The following IFI35 variants were observed in gnomAD, a reference collection of about 807,000 sequenced individuals.
The protein encoded by IFI35 is interferon-induced 35 kDa protein.
IFI35 carries 30 observed loss-of-function variants against 28.6 expected under a neutral mutation model. That is an observed-to-expected ratio of 1.05 (90% CI 0.79 to 1.43). IFI35 has a LOEUF of 1.43. IFI35 is among the 40% of genes most tolerant of loss of function. IFI35 has a pLI of 0.00. For missense variants in IFI35, 372 were observed against 356.9 expected, an observed-to-expected ratio of 1.04 and a Z score of -0.34; for synonymous variants, 146 against 154.8, an observed-to-expected ratio of 0.94 and a Z score of 0.42.
In IFI35 at chr17:43,013,530, C is replaced by T. The variant is rs1198410498; in HGVS notation, c.430C>T (p.Leu144Phe). The change falls in exon 5 of 7, where the codon CTC becomes TTC. Residue 144 changes from leucine to phenylalanine, a missense_variant. Transcript: ENST00000415816. ...GTTGGTCACTGGATTTCCTGCCAGC[C>T]TCAGGCTGAGTGAGGAGGAGCTGCT... ...RVLVTGFPAS[L>F]RLSEEELLDK... The T allele has an allele frequency of 4.3e-6, 7 of 1,613,972 alleles. No individual in the cohort carries two copies. The African/African-American group carries it at 9.3e-5, about 22-fold the overall frequency.
At chr17:43,008,034 C>CTT (rs1165440744) in intron 1 of IFI35, among the ~76,000 whole-genome samples, 37 of 132,492 alleles carry the variant, frequency 2.8e-4, no homozygotes, top group African/African-American at 6.1e-4. Context: ...AGGACAATCC[C>CTT]TTTTTTTTTT....
In IFI35 at chr17:43,013,320, C is replaced by T. The variant is rs201830704; in HGVS notation, c.322C>T (p.Arg108Trp). The T allele has an allele frequency of 1.7e-5, 28 of 1,614,092 alleles. No individual in the cohort carries two copies. Among genetic ancestry groups the T allele is most frequent in the Middle Eastern group, 1.6e-4 (1 of 6,062 alleles). Residue 108 changes from arginine to tryptophan, a missense_variant, in exon 4 of 7, where the codon CGG (arginine) becomes TGG (tryptophan). Transcript: ENST00000415816. ...GCACACGATCAACATGGAGGAGTGC[C>T]GGCTGCGGGTGCAGGTCCAGCCCTT... ...KEHTINMEECRLRVQVQPLEL... is the reference protein window; with the variant it reads ...KEHTINMEECWLRVQVQPLEL...
At chr17:43,011,160 A>G (rs762585674) in intron 1 of IFI35, among the ~76,000 whole-genome samples, 1 of 152,206 alleles carries the variant, frequency 6.6e-6, no homozygotes, top group Non-Finnish European at 1.5e-5. Flanking sequence ...GGAGTCAGAC[A>G]GCCTAGGGCC....
At chr17:43,012,645 G>A (rs1048704907) in intron 2 of IFI35, 4 of 231,862 alleles carry the variant, frequency 1.7e-5, no homozygotes, top group African/African-American at 6.9e-5. Flanking sequence ...GGCTGAGTCC[G>A]AATTGCTTGA....
chr17:43,014,041 C>T, intron 6 of IFI35, 67 bp from the exon 7 acceptor site: 1 of 1,501,328 alleles, frequency 6.7e-7, no homozygotes, highest in Non-Finnish European at 9.2e-7. Context: ...TGGGGCACTG[C>T]CTGCCCTACC....
intron 1 of IFI35, among the ~76,000 whole-genome samples, chr17:43,010,700 T>A (rs556448706): frequency 6.6e-6 from 1 of 152,234 alleles, no homozygotes; most frequent in Non-Finnish European, 1.5e-5. Context: ...TCACACTGAA[T>A]TTCTTTGGTG....
At chr17:43,008,999 A>AT (rs1192723658) in intron 1 of IFI35, among the ~76,000 whole-genome samples, 1 of 151,436 alleles carries the variant, frequency 6.6e-6, no homozygotes, top group Non-Finnish European at 1.5e-5. Flanking sequence ...AAAAATCCAG[A>AT]TTTTTTGTTT....
intron 1 of IFI35, among the ~76,000 whole-genome samples, chr17:43,010,359 C>T (rs148718649): frequency 2.2e-4 from 34 of 152,306 alleles, no homozygotes; most frequent in South Asian, 6.2e-4. Flanking sequence ...AGCAATTGCA[C>T]TCCAGCCTGG....
At chr17:43,012,997 C>T (rs753109633) in intron 2 of IFI35, 50 bp from the exon 3 acceptor site, 2 of 1,566,460 alleles carry the variant, frequency 1.3e-6, no homozygotes, top group Middle Eastern at 1.7e-4. Flanking sequence ...GAGATGCCTT[C>T]CTCCTAGGTG....
At chr17:43,012,986 G>A (rs750862132) in intron 2 of IFI35, 61 bp from the exon 3 acceptor site, 32 of 1,525,034 alleles carry the variant, frequency 2.1e-5, no homozygotes, top group African/African-American at 4.1e-5. Context: ...GAATGGAATC[G>A]GAGATGCCTT....
At position 43,013,652 on chromosome 17, in the gene IFI35, T is replaced by C. The variant is rs773112261; in HGVS notation, c.552T>C (p.Ala184=). The change falls in exon 5 of 7, where the codon GCT becomes GCC. Residue 184 remains alanine, a synonymous_variant. Coordinates refer to ENST00000415816, the MANE Select transcript of IFI35 (RefSeq NM_001330230.2). ...LLPGSVMLGF[A]RDGVAQRLCQ... is the part of the protein sequence containing the mutation. ...CAGGGAGTGTCATGCTGGGGTTTGC[T>C]AGGGATGGAGGTGAGGGCTATGCAG... The C allele has an allele frequency of 8.1e-6, 13 of 1,613,774 alleles. No individual in the cohort carries two copies. The Admixed American group carries it at 2.2e-4, about 27-fold the overall frequency.
intron 5 of IFI35, 52 bp from the exon 6 acceptor site, chr17:43,013,724 G>A (rs2050489587): frequency 1.2e-6 from 2 of 1,608,856 alleles, no homozygotes; most frequent in East Asian, 2.2e-5. Flanking sequence ...TTACGGTGCA[G>A]GGAGAGGAGA....
At chr17:43,013,690 G>C in intron 5 of IFI35, 28 bp downstream of exon 5, 1 of 1,612,332 alleles carries the variant, frequency 6.2e-7, no homozygotes, top group Non-Finnish European at 8.5e-7. Flanking sequence ...CTCCTGCAGG[G>C]GAGAGGGTAT....
chr17:43,007,293 T>G (rs901185307), intron 1 of IFI35, among the ~76,000 whole-genome samples: 3 of 152,122 alleles, frequency 2.0e-5, no homozygotes, highest in African/African-American at 7.2e-5. Flanking sequence ...ACGCCTGTCA[T>G]CCTAGCACTT....
At chr17:43,011,935 T>A in intron 1 of IFI35, 1 of 303,404 alleles carries the variant, frequency 3.3e-6, no homozygotes, top group Non-Finnish European at 6.1e-6. Flanking sequence ...AGATCTGTGG[T>A]CACGAACAAG....
At chr17:43,011,904 A>G (rs2050461822) in intron 1 of IFI35, among the ~76,000 whole-genome samples, 2 of 152,184 alleles carry the variant, frequency 1.3e-5, no homozygotes, top group African/African-American at 4.8e-5. Context: ...GCAGGAGCTT[A>G]ATCAGTGTTT....
rs145578882 is a variant in IFI35 at position 43,013,602 on chromosome 17, G to A, written c.502G>A (p.Asp168Asn). 4.0e-5 allele frequency: 64 copies of A among 1,614,166 alleles called. No homozygotes were observed. Among genetic ancestry groups the A allele is most frequent in the Middle Eastern group, 1.6e-4 (1 of 6,062 alleles). Reference protein sequence around the residue: ...FFGKTRNGGGDVDVRELLPGS... With the variant: ...FFGKTRNGGGNVDVRELLPGS... ...TGGCAAGACTAGGAACGGAGGTGGC[G>A]ATGTGGACGTTCGGGAGCTACTGCC... The change falls in exon 5 of 7, where the codon GAT becomes AAT. Residue 168 changes from aspartate (D) to asparagine (N), a missense_variant. Asp to Asn is a conservative substitution (Grantham distance 23). Transcript: ENST00000415816.
rs564660538 is a variant in IFI35, at chr17:43,014,098, C to T, written c.670-10C>T. 98 of 1,613,134 alleles carry T rather than the reference C, an allele frequency of 6.1e-5. No homozygotes were observed. The East Asian group carries it at 1.6e-3, about 27-fold the overall frequency. On this transcript the variant is annotated splice_polypyrimidine_tract_variant and intron_variant, in intron 6 of 6. Coordinates refer to ENST00000415816, the MANE Select transcript of IFI35 (RefSeq NM_001330230.2). Reference sequence around the variant, plus strand: ...CATGAGCCTTTGCCATCTCCTGGCTCCTTTTCCAGATCAGGTCGCAGCCAG... The same window carrying T: ...CATGAGCCTTTGCCATCTCCTGGCTTCTTTTCCAGATCAGGTCGCAGCCAG...
intron 6 of IFI35, 64 bp from the exon 7 acceptor site, chr17:43,014,044 G>C: frequency 6.5e-7 from 1 of 1,528,040 alleles, no homozygotes; most frequent in South Asian, 1.2e-5. Context: ...GGCACTGCCT[G>C]CCCTACCCCC....
Sources: allele counts gnomAD v4.1 joint callset (sites outside exome capture counted in the v4.1 genomes callset), GRCh38; gene constraint gnomAD v4.1.1; transcripts MANE v1.5; gene names NCBI Gene and HGNC (gene_info 2026-07-23, HGNC 2026-07-21).